USP49: variants seen among roughly 807,000 people sequenced by gnomAD.
USP49 encodes the protein ubiquitin specific peptidase 49, also known as ubiquitin carboxyl-terminal hydrolase 49.
Under a neutral mutation model 58.6 loss-of-function variants are expected in USP49, and 24 were observed. The ratio of observed to expected loss-of-function variants is 0.41; its 90% CI spans 0.30 to 0.58. The LOEUF (loss-of-function observed/expected upper bound fraction) is 0.58, where lower values mean the gene tolerates loss of function less well. Ranked by LOEUF, USP49 falls within the 20% of genes least tolerant of loss-of-function variation. The pLI is 0.30. For missense variants in USP49, 703 were observed against 866.1 expected, an observed-to-expected ratio of 0.81 and a Z score of 2.36; for synonymous variants, 408 against 365.1, an observed-to-expected ratio of 1.12 and a Z score of -1.34.
chr6:41,822,768 C>T (rs894689955), intron 3 of USP49, among the ~76,000 whole-genome samples: 5 of 150,968 alleles, frequency 3.3e-5, no homozygotes, highest in African/African-American at 7.3e-5. Context: ...TCGCTTGAGC[C>T]GAGATCACAC....
chr6:41,824,904 A>G (rs1250565865), intron 3 of USP49, among the ~76,000 whole-genome samples: 1 of 152,230 alleles, frequency 6.6e-6, no homozygotes, highest in Admixed American at 6.5e-5. Context: ...CATAGAAGGC[A>G]TTTCAAAGAC....
In USP49 at chr6:41,804,759, G is replaced by GT. The variant is rs574240913; in HGVS notation, c.1357-750dup. 5.5e-3 allele frequency among the ~76,000 whole-genome samples: 829 copies of GT among 151,716 alleles called. 4 individuals carry two copies. The highest frequency in any genetic ancestry group is 6.8e-3 in the Non-Finnish European group (465 of 67,900). On this transcript the variant is annotated intron_variant, in intron 4 of 7. Coordinates refer to ENST00000682992, the MANE Select transcript of USP49 (RefSeq NM_001286554.2). ...ACCACGTTTTTTTGTTTGTTTTTTG[G>GT]TTTTTTTTGAGACAGTCTCCATCTG...
At chr6:41,807,319 C>G (rs1008759490) in intron 3 of USP49, among the ~76,000 whole-genome samples, 1 of 152,016 alleles carries the variant, frequency 6.6e-6, no homozygotes, top group Non-Finnish European at 1.5e-5. Context: ...AATAAAAAGT[C>G]AATTTTAGGT....
chr6:41,815,837 T>A (rs557553425), intron 3 of USP49, among the ~76,000 whole-genome samples: 1 of 152,326 alleles, frequency 6.6e-6, no homozygotes, highest in South Asian at 2.1e-4. Flanking sequence ...CAAGTGCTGA[T>A]ATTCAAGAAT....
chr6:41,790,693 G>A lies in USP49; in HGVS notation c.*5840C>T, dbSNP rs1772782589. 1 of 152,136 alleles carries A rather than the reference G, an allele frequency of 6.6e-6. No homozygotes were observed. 9.4% of individuals were successfully genotyped at this position (152,136 alleles called of 1,614,324 possible). A position where few individuals can be genotyped will look rare whatever the true frequency, so the allele number is the denominator to read the frequency against. ...TAAACAGGACAAAATAGTCTTTCCT[G>A]ACCTTGCTGGCATAAATATTAAGAA... On this transcript the variant is annotated 3_prime_UTR_variant, in exon 8 of 8. Transcript: ENST00000682992.
intron 3 of USP49, among the ~76,000 whole-genome samples, chr6:41,855,734 C>A (rs1203224640): frequency 6.6e-6 from 1 of 151,998 alleles, no homozygotes; most frequent in Non-Finnish European, 1.5e-5. Flanking sequence ...GGAAACTCGA[C>A]ACACTTAAGG....
At position 41,794,066 on chromosome 6, in the gene USP49, C is replaced by T. The variant is rs1190220925; in HGVS notation, c.*2467G>A. 6.6e-6 allele frequency: 1 copy of T among 152,212 alleles called. No homozygotes were observed. Among genetic ancestry groups the T allele is most frequent in the Non-Finnish European group, 1.5e-5 (1 of 68,038 alleles). The allele number at this position is 152,212 out of a possible 1,614,324, so 9.4% of individuals were successfully genotyped here. The stretch of plus-strand genomic sequence containing the variant: ...ATTAAAGGCAAAGGGACATTTCCCT[C>T]ACAATAGCCATTGGCTTATGCAGCA... On this transcript the variant is annotated 3_prime_UTR_variant, in exon 8 of 8. Transcript: ENST00000682992.
intron 2 of USP49, among the ~76,000 whole-genome samples, chr6:41,889,224 G>T (rs1774770553): frequency 6.6e-6 from 1 of 151,756 alleles, no homozygotes; most frequent in South Asian, 2.1e-4. Flanking sequence ...GTAGAGGTGG[G>T]GTTTTACCAT....
chr6:41,864,874 C>A (rs1774282999), intron 3 of USP49, among the ~76,000 whole-genome samples: 1 of 151,978 alleles, frequency 6.6e-6, no homozygotes, highest in Non-Finnish European at 1.5e-5. Flanking sequence ...ATCTAATGAG[C>A]CAAGTCATAT....
chr6:41,865,915 C>CTT lies in USP49; in HGVS notation c.-29+5648_-29+5649insAA, dbSNP rs1561922312. On this transcript the variant is annotated intron_variant, in intron 3 of 7. Coordinates refer to ENST00000682992, the MANE Select transcript of USP49 (RefSeq NM_001286554.2). ...CACCTCAGCCTTCCAAAGCATGGTGCCTTTTTTTTTTTTTTTTTTTTTTTT... is the reference window on the plus strand; with the variant it reads ...CACCTCAGCCTTCCAAAGCATGGTGCTTCTTTTTTTTTTTTTTTTTTTTTTTT... 5.4e-4 allele frequency among the ~76,000 whole-genome samples: 52 copies of CTT among 96,202 alleles called. 2 individuals carry two copies. The South Asian group carries it at 0.019, about 34-fold the overall frequency. The allele number at this position is 96,202 out of a possible 152,430, so 63.1% of individuals were successfully genotyped here. A position where few individuals can be genotyped will look rare whatever the true frequency, so the allele number is the denominator to read the frequency against.
At chr6:41,885,566 G>T (rs1181500368) in intron 2 of USP49, among the ~76,000 whole-genome samples, 2 of 151,892 alleles carry the variant, frequency 1.3e-5, no homozygotes, top group Non-Finnish European at 2.9e-5. Context: ...CAATCCTCCC[G>T]CTCAAGTGGA....
chr6:41,890,541 T>G (rs761480089), intron 2 of USP49, among the ~76,000 whole-genome samples: 31 of 152,080 alleles, frequency 2.0e-4, no homozygotes, highest in Non-Finnish European at 3.5e-4. Context: ...GGTGAAACCT[T>G]GTCTCTACAA....
intron 3 of USP49, among the ~76,000 whole-genome samples, chr6:41,864,748 G>C (rs1774281099): frequency 6.6e-6 from 1 of 152,114 alleles, no homozygotes; most frequent in Admixed American, 6.6e-5. Flanking sequence ...TGGCATTCCA[G>C]TTGTCAGTAT....
At chr6:41,872,338 G>A (rs1432072655) in intron 2 of USP49, among the ~76,000 whole-genome samples, 1 of 152,150 alleles carries the variant, frequency 6.6e-6, no homozygotes, top group East Asian at 1.9e-4. Context: ...GTTCCTCTTC[G>A]AAGAAACTTT....
chr6:41,819,047 T>A (rs533221514), intron 3 of USP49, among the ~76,000 whole-genome samples: 72 of 152,210 alleles, frequency 4.7e-4, no homozygotes, highest in African/African-American at 1.4e-3. Context: ...TTTCTTTTTT[T>A]AAAATATTTG....
rs568921440 is a variant in USP49, at chr6:41,885,726, G to A, written c.-103+6068C>T. Among the ~76,000 whole-genome samples the A allele has an allele frequency of 2.0e-5, 3 of 152,274 alleles. No individual in the cohort carries two copies. In the East Asian group the frequency reaches 5.8e-4, roughly 29 times the overall value. ...AGGCAGAATGGCTTGAAGCCGGGAG[G>A]TGGATGCTGCAGTGAGCCGAGATCA... On this transcript the variant is annotated intron_variant, in intron 2 of 7. Transcript: ENST00000682992.
rs141715159 is a variant in USP49 at position 41,824,961 on chromosome 6, C to T, written c.-28-17950G>A. ...ATCTCTTGTACAAGAATAAAGCAGA[C>T]GTACTTCTGGGAACTCAACTATAGT... On this transcript the variant is annotated intron_variant, in intron 3 of 7. Coordinates refer to ENST00000682992, the MANE Select transcript of USP49 (RefSeq NM_001286554.2). Among the ~76,000 whole-genome samples, 23 of 152,288 alleles carry T rather than the reference C, an allele frequency of 1.5e-4. No homozygotes were observed. In the East Asian group the frequency reaches 3.1e-3, roughly 20 times the overall value.
At chr6:41,839,132 T>TGAAA (rs1440930859) in intron 3 of USP49, among the ~76,000 whole-genome samples, 1 of 151,694 alleles carries the variant, frequency 6.6e-6, no homozygotes, top group African/African-American at 2.4e-5. Context: ...AGAGTCCTGG[T>TGAAA]GTGGTGGTTC....
At position 41,806,453 on chromosome 6, in the gene USP49, G is replaced by A; in HGVS notation, c.531C>T (p.Ala177=). 1.6e-5 allele frequency: 26 copies of A among 1,592,702 alleles called. No homozygotes were observed. The highest frequency in any genetic ancestry group is 2.0e-5 in the Non-Finnish European group (24 of 1,177,130). ...AKLEQRRQEE[A]LERKKEEARR... ...GCGCCTCCTCCTTCTTGCGCTCCAG[G>A]GCCTCCTCCTGCCGCCGCTGCTCCA... The change falls in exon 4 of 8, where the codon GCC becomes GCT. Residue 177 remains alanine (A), a synonymous_variant. Transcript: ENST00000682992. The surrounding 1 kb of genome is among the most constrained non-coding windows in gnomAD (Gnocchi z 5.9).
Sources: allele counts gnomAD v4.1 joint callset (sites outside exome capture counted in the v4.1 genomes callset), GRCh38; gene constraint gnomAD v4.1.1; non-coding constraint Gnocchi (gnomAD v3.1); transcripts MANE v1.5; gene names NCBI Gene and HGNC (gene_info 2026-07-23, HGNC 2026-07-21).